Variants in BCL2 observed in about 807,000 individuals in gnomAD.
BCL2 encodes the protein BCL2 apoptosis regulator, also known as apoptosis regulator Bcl-2.
Under a neutral mutation model 14.2 loss-of-function variants are expected in BCL2, and 1 was observed. The observed-to-expected ratio is 0.07, with a 90% CI of 0.02 to 0.33. The LOEUF (loss-of-function observed/expected upper bound fraction) is 0.33. Ranked by LOEUF, BCL2 falls within the 10% of genes least tolerant of loss-of-function variation. The probability of loss-of-function intolerance (pLI) is 0.99; values close to 1 mark genes in which losing one functional copy is unlikely to be tolerated. For synonymous variants in BCL2, 151 were observed against 137.2 expected (o/e 1.10, Z -0.70); for missense variants, 247 against 305.9 (o/e 0.81, Z 1.44).
At chr18:63,174,364 G>C (rs1440638914) in intron 2 of BCL2, among the ~76,000 whole-genome samples, 5 of 152,108 alleles carry the variant, frequency 3.3e-5, no homozygotes, top group Middle Eastern at 6.8e-3. Context: ...GGATGTCTCA[G>C]GTCTTTTATT....
At chr18:63,215,688 G>C (rs190425836) in intron 2 of BCL2, among the ~76,000 whole-genome samples, 39 of 152,268 alleles carry the variant, frequency 2.6e-4, no homozygotes, top group African/African-American at 9.4e-4. Flanking sequence ...ATGAAAGCAA[G>C]TGTCCATGAT....
intron 2 of BCL2, among the ~76,000 whole-genome samples, chr18:63,236,745 C>T (rs3810027): frequency 6.6e-6 from 1 of 151,970 alleles, no homozygotes; most frequent in Non-Finnish European, 1.5e-5. Context: ...CGATGGCCTC[C>T]GTTCCAGCAT....
chr18:63,317,145 G>A (rs1218922976), intron 2 of BCL2: 1 of 152,152 alleles, frequency 6.6e-6, no homozygotes, highest in Non-Finnish European at 1.5e-5. Flanking sequence ...GTTCTTCAAA[G>A]CCACAGGTAT....
At position 63,319,737 on chromosome 18, in the gene BCL2, G is replaced by C. The variant is rs1394834161; in HGVS notation, c.-850C>G. 2 of 208,504 alleles carry C rather than the reference G, an allele frequency of 9.6e-6. No individual in the cohort carries two copies. Among genetic ancestry groups the C allele is most frequent in the Non-Finnish European group, 2.0e-5 (2 of 102,246 alleles). The allele number at this position is 208,504 out of a possible 1,614,324, so 12.9% of individuals were successfully genotyped here. A position where few individuals can be genotyped will look rare whatever the true frequency, so the allele number is the denominator to read the frequency against. The stretch of plus-strand genomic sequence containing the variant: ...CCTGGCCCGCCGGTGCCGAGCGCTA[G>C]AAGCCCGCGCTGTGTGTGGTGCGGC... On this transcript the variant is annotated 5_prime_UTR_variant, in exon 1 of 3. Transcript: ENST00000333681.
intron 2 of BCL2, among the ~76,000 whole-genome samples, chr18:63,218,892 T>G (rs926696142): frequency 1.3e-5 from 2 of 150,762 alleles, no homozygotes; most frequent in African/African-American, 4.9e-5. Context: ...CAACTGCCAA[T>G]TCTGAATCTC....
At chr18:63,315,114 G>A (rs552600174) in intron 2 of BCL2, 1 of 152,296 alleles carries the variant, frequency 6.6e-6, no homozygotes, top group South Asian at 2.1e-4. Flanking sequence ...TAACTTTAAC[G>A]TGCACACAAA....
chr18:63,171,701 G>A (rs1203659756), intron 2 of BCL2, among the ~76,000 whole-genome samples: 1 of 152,186 alleles, frequency 6.6e-6, no homozygotes, highest in Non-Finnish European at 1.5e-5. Context: ...ATATGGCCAG[G>A]CACATAGCTC....
intron 2 of BCL2, among the ~76,000 whole-genome samples, chr18:63,155,596 C>T (rs111713301): frequency 1.1e-4 from 16 of 152,126 alleles, no homozygotes; most frequent in African/African-American, 3.9e-4. Context: ...TCTCTGCTTC[C>T]CCCTGTTGGC....
At chr18:63,313,040 T>C (rs1449525916) in intron 2 of BCL2, among the ~76,000 whole-genome samples, 2 of 152,256 alleles carry the variant, frequency 1.3e-5, no homozygotes, top group Non-Finnish European at 2.9e-5. Flanking sequence ...AACAGCCATA[T>C]GGTCAGAAAT....
chr18:63,126,063 A>G lies in BCL2; in HGVS notation c.*2562T>C, dbSNP rs1008337966. ...ACCACGTGGAGCATACTGCAAACTG[A>G]CTCCATTAAAATGATTTTGGCAGGA... is the stretch of plus-strand genomic sequence containing the variant. On this transcript the variant is annotated 3_prime_UTR_variant, in exon 3 of 3. Transcript: ENST00000333681. The G allele has an allele frequency of 2.3e-5, 5 of 217,930 alleles. No individual in the cohort carries two copies. The highest frequency in any genetic ancestry group is 3.7e-5 in the Non-Finnish European group (4 of 108,180). 13.5% of individuals were successfully genotyped at this position (217,930 alleles called of 1,614,324 possible).
intron 2 of BCL2, among the ~76,000 whole-genome samples, chr18:63,206,680 T>TGGA (rs988604367): frequency 1.3e-5 from 2 of 152,158 alleles, no homozygotes; most frequent in Non-Finnish European, 2.9e-5. Flanking sequence ...TAGATGCTGT[T>TGGA]GGAGATATAA....
At chr18:63,263,988 A>G (rs1050203412) in intron 2 of BCL2, among the ~76,000 whole-genome samples, 3 of 152,154 alleles carry the variant, frequency 2.0e-5, no homozygotes, top group African/African-American at 7.2e-5. Context: ...CAGGCTGGTC[A>G]CGAACGTCTG....
intron 2 of BCL2, among the ~76,000 whole-genome samples, chr18:63,165,679 A>G (rs1915026514): frequency 6.6e-6 from 1 of 152,158 alleles, no homozygotes. Context: ...TTTTACAGTC[A>G]CCTGTGCAAC....
intron 2 of BCL2, among the ~76,000 whole-genome samples, chr18:63,293,694 TATC>T (rs1476524623): frequency 6.6e-6 from 1 of 152,080 alleles, no homozygotes; most frequent in African/African-American, 2.4e-5. Flanking sequence ...CATATAGAAA[TATC>T]ATAACCAGTT....
intron 2 of BCL2, among the ~76,000 whole-genome samples, chr18:63,281,666 C>CAGACAGAA (rs1277327421): frequency 1.1e-5 from 1 of 88,280 alleles, no homozygotes; most frequent in Admixed American, 1.3e-4. Flanking sequence ...GACCTTGTCT[C>CAGACAGAA]AGAAAGAAAG....
intron 2 of BCL2, among the ~76,000 whole-genome samples, chr18:63,223,381 C>T (rs1194384768): frequency 7.3e-6 from 1 of 137,544 alleles, no homozygotes; most frequent in East Asian, 2.1e-4. Context: ...GCCTGGGCGA[C>T]AGAGCAAGAC....
chr18:63,131,992 T>C (rs552120877), intron 2 of BCL2, among the ~76,000 whole-genome samples: 183 of 152,328 alleles, frequency 1.2e-3, no homozygotes, highest in African/African-American at 4.3e-3. Context: ...ACAGTGCTTC[T>C]CATGAACCTA....
chr18:63,244,954 C>T (rs1911112823), intron 2 of BCL2, among the ~76,000 whole-genome samples: 1 of 152,180 alleles, frequency 6.6e-6, no homozygotes, highest in Non-Finnish European at 1.5e-5. Flanking sequence ...CAGCCTGCAC[C>T]TTCCTTAAGT....
At chr18:63,275,364 C>G (rs1358855731) in intron 2 of BCL2, among the ~76,000 whole-genome samples, 1 of 152,176 alleles carries the variant, frequency 6.6e-6, no homozygotes, top group African/African-American at 2.4e-5. Context: ...ATGCCTTTCA[C>G]TCCTGCCCCA....
Sources: gnomAD v4.1 joint callset for allele counts (sites outside exome capture counted in the v4.1 genomes callset) on GRCh38, gnomAD v4.1.1 for gene constraint, MANE v1.5 for transcripts, NCBI Gene and HGNC (gene_info 2026-07-23, HGNC 2026-07-21) for gene names.